Variants in TOX3 observed in about 807,000 individuals in gnomAD.
TOX3 encodes the protein TOX high mobility group box family member 3.
TOX3 carries 22 observed loss-of-function variants against 64.3 expected under a neutral mutation model. The observed-to-expected ratio is 0.34, with a 90% CI of 0.24 to 0.49. The LOEUF is 0.49. Ranked by LOEUF, TOX3 falls within the 20% of genes least tolerant of loss-of-function variation. The pLI is 0.99. For synonymous variants in TOX3, 291 were observed against 273.6 expected (o/e 1.06, Z -0.63); for missense variants, 661 against 714.4 (o/e 0.93, Z 0.85).
At chr16:52,468,624 T>C in intron 1 of TOX3, 50 bp from the exon 2 acceptor site, 1 of 1,429,284 alleles carries the variant, frequency 7.0e-7, no homozygotes, top group Non-Finnish European at 9.8e-7. Context: ...AATAAAGCAT[T>C]CTGGCTGTGA....
intron 3 of TOX3, among the ~76,000 whole-genome samples, chr16:52,459,599 G>C (rs540343816): frequency 6.6e-6 from 1 of 152,140 alleles, no homozygotes; most frequent in East Asian, 1.9e-4. Flanking sequence ...TCCCCCCATG[G>C]CTAAATAGTC....
rs553380928 is a variant in TOX3 at position 52,494,541 on chromosome 16, T to C, written c.88-25967A>G. 2.0e-5 allele frequency among the ~76,000 whole-genome samples: 3 copies of C among 152,362 alleles called. No individual in the cohort carries two copies. The East Asian group carries it at 5.8e-4, about 29-fold the overall frequency. ...TGAGCCACCATATCCTATTTATTTA[T>C]TTCTACTTTCCATATCCTTTAAGGC... On this transcript the variant is annotated intron_variant, in intron 1 of 6. Transcript: ENST00000219746.
At position 52,546,792 on chromosome 16, in the gene TOX3, GC is replaced by G. The variant is rs1171953424; in HGVS notation, c.-70del. Reference sequence around the variant, plus strand: ...CGGGGCCGGGACCCGCCTCCTCGCCGCCGCTAGATCCACCGTCGAGGGCGCC... The same window carrying G: ...CGGGGCCGGGACCCGCCTCCTCGCCGCGCTAGATCCACCGTCGAGGGCGCC... On this transcript the variant is annotated 5_prime_UTR_variant, in exon 1 of 7. Coordinates refer to ENST00000219746, the MANE Select transcript of TOX3 (RefSeq NM_001080430.4). The G allele has an allele frequency of 7.1e-7, 1 of 1,400,186 alleles. No individual in the cohort carries two copies. The highest frequency in any genetic ancestry group is 9.3e-7 in the Non-Finnish European group (1 of 1,077,598). The allele number at this position is 1,400,186 out of a possible 1,614,324, so 86.7% of individuals were successfully genotyped here. A position where few individuals can be genotyped will look rare whatever the true frequency, so the allele number is the denominator to read the frequency against.
intron 1 of TOX3, among the ~76,000 whole-genome samples, chr16:52,498,279 T>C (rs1417138971): frequency 6.6e-6 from 1 of 152,206 alleles, no homozygotes; most frequent in East Asian, 1.9e-4. Flanking sequence ...AAGGGAACTG[T>C]TTTATGTTTC....
At position 52,454,424 on chromosome 16, in the gene TOX3, A is replaced by T. The variant is rs575156672; in HGVS notation, c.409-3878T>A. 3.9e-5 allele frequency among the ~76,000 whole-genome samples: 6 copies of T among 152,272 alleles called. No individual in the cohort carries two copies. In the South Asian group the frequency reaches 1.2e-3, roughly 32 times the overall value. On this transcript the variant is annotated intron_variant, in intron 3 of 6. Transcript: ENST00000219746. ...TAGACTATTTTTAAAGTAACCTCTGACCCACATAATTGATGCATCAAAATG... is the reference window on the plus strand; with the variant it reads ...TAGACTATTTTTAAAGTAACCTCTGTCCCACATAATTGATGCATCAAAATG...
Position 52,437,441 on chromosome 16 carries a change from G to A in TOX3, c.*1784C>T, listed in dbSNP as rs1959782148. On this transcript the variant is annotated 3_prime_UTR_variant, in exon 7 of 7. Transcript: ENST00000219746. ...TTTCCAGATTAGGATTCTGGTCAGG[G>A]TTGACACTTGCTGTTTTTAATTTTC... 6.6e-6 allele frequency: 1 copy of A among 152,184 alleles called. No homozygotes were observed. Among genetic ancestry groups the A allele is most frequent in the Non-Finnish European group, 1.5e-5 (1 of 68,032 alleles). The allele number at this position is 152,184 out of a possible 1,614,324, so 9.4% of individuals were successfully genotyped here.
At chr16:52,457,985 A>G (rs1375406600) in intron 3 of TOX3, among the ~76,000 whole-genome samples, 1 of 152,196 alleles carries the variant, frequency 6.6e-6, no homozygotes, top group Non-Finnish European at 1.5e-5. Context: ...TGAACACTTA[A>G]TGGTAGTTTA....
At chr16:52,532,642 A>C (rs1962876014) in intron 1 of TOX3, among the ~76,000 whole-genome samples, 1 of 152,250 alleles carries the variant, frequency 6.6e-6, no homozygotes, top group Admixed American at 6.5e-5. Context: ...GAGGCGGTTT[A>C]TCACTCGCGA....
intron 1 of TOX3, among the ~76,000 whole-genome samples, chr16:52,505,908 G>A (rs1475079694): frequency 6.6e-6 from 1 of 152,128 alleles, no homozygotes; most frequent in Non-Finnish European, 1.5e-5. Context: ...CCCAAGAGAT[G>A]GCGGCTGTAG....
At position 52,512,004 on chromosome 16, in the gene TOX3, T is replaced by C. The variant is rs1204418321; in HGVS notation, c.87+34633A>G. ...AGAAATTCCACGTTCAAGCACCACGTTGCCTATTCCTCAACTTTAAGAATG... is the reference window on the plus strand; with the variant it reads ...AGAAATTCCACGTTCAAGCACCACGCTGCCTATTCCTCAACTTTAAGAATG... On this transcript the variant is annotated intron_variant, in intron 1 of 6. Transcript: ENST00000219746. Among the ~76,000 whole-genome samples, 3 of 152,202 alleles carry C rather than the reference T, an allele frequency of 2.0e-5. No individual in the cohort carries two copies. In the East Asian group the frequency reaches 5.8e-4, roughly 29 times the overall value.
At chr16:52,453,888 C>G (rs1960437480) in intron 3 of TOX3, among the ~76,000 whole-genome samples, 1 of 152,180 alleles carries the variant, frequency 6.6e-6, no homozygotes, top group Non-Finnish European at 1.5e-5. Context: ...CCAAGGTTCA[C>G]TGTACTAAAA....
chr16:52,477,190 T>G (rs1961232050), intron 1 of TOX3, among the ~76,000 whole-genome samples: 1 of 152,072 alleles, frequency 6.6e-6, no homozygotes, highest in South Asian at 2.1e-4. Flanking sequence ...CAGACCTACT[T>G]GTACACAGGC....
intron 1 of TOX3, among the ~76,000 whole-genome samples, chr16:52,500,808 G>A (rs1469948010): frequency 6.6e-6 from 1 of 152,088 alleles, no homozygotes; most frequent in African/African-American, 2.4e-5. Flanking sequence ...TCTAACTACA[G>A]ACATGTTAAA....
In TOX3 at chr16:52,446,090, C is replaced by T; in HGVS notation, c.810G>A (p.Gln270=). Residue 270 remains glutamine (Q), a synonymous_variant, in exon 5 of 7, where the codon CAG becomes CAA. Transcript: ENST00000219746. ...SAYALFFRDT[Q]AAIKGQNPNA... is the part of the protein sequence containing the mutation. ...TGGGGTTTTGACCTTTAATTGCAGCCTGTGTGTCTCTGAAAAACAGGGCAT... is the reference window on the plus strand; with the variant it reads ...TGGGGTTTTGACCTTTAATTGCAGCTTGTGTGTCTCTGAAAAACAGGGCAT... The T allele has an allele frequency of 6.2e-7, 1 of 1,613,920 alleles. No individual in the cohort carries two copies. Among genetic ancestry groups the T allele is most frequent in the African/African-American group, 1.3e-5 (1 of 75,036 alleles).
chr16:52,437,299 C>A lies in TOX3; in HGVS notation c.*1926G>T, dbSNP rs930721501. The A allele has an allele frequency of 6.6e-6, 1 of 152,138 alleles. No homozygotes were observed. Among genetic ancestry groups the A allele is most frequent in the Non-Finnish European group, 1.5e-5 (1 of 68,028 alleles). 9.4% of individuals were successfully genotyped at this position (152,138 alleles called of 1,614,324 possible). ...TGAAAGCTGAATTCATTATTCATAA[C>A]CCACAACATACAGTAAATAATCTCT... On this transcript the variant is annotated 3_prime_UTR_variant, in exon 7 of 7. Coordinates refer to ENST00000219746, the MANE Select transcript of TOX3 (RefSeq NM_001080430.4).
chr16:52,457,352 T>C lies in TOX3; in HGVS notation c.408+6582A>G, dbSNP rs369634290. Among the ~76,000 whole-genome samples the C allele has an allele frequency of 2.0e-4, 31 of 152,288 alleles. No individual in the cohort carries two copies. The East Asian group carries it at 5.8e-3, about 28-fold the overall frequency. ...CTTGGGTTGATTTCATCATTAAAAT[T>C]TTTTTAAATTCTAATATGCAAATGT... On this transcript the variant is annotated intron_variant, in intron 3 of 6. Coordinates refer to ENST00000219746, the MANE Select transcript of TOX3 (RefSeq NM_001080430.4).
At chr16:52,491,879 C>T (rs899662249) in intron 1 of TOX3, among the ~76,000 whole-genome samples, 3 of 152,024 alleles carry the variant, frequency 2.0e-5, no homozygotes, top group Non-Finnish European at 2.9e-5. Flanking sequence ...TTCAATATTC[C>T]GTTCTAATTT....
chr16:52,460,098 C>G (rs531570918), intron 3 of TOX3, among the ~76,000 whole-genome samples: 1 of 152,004 alleles, frequency 6.6e-6, no homozygotes, highest in Non-Finnish European at 1.5e-5. Context: ...TTTCTCTTCC[C>G]TTTAACAGGT....
chr16:52,509,816 C>T (rs1196922136), intron 1 of TOX3, among the ~76,000 whole-genome samples: 1 of 152,142 alleles, frequency 6.6e-6, no homozygotes, highest in Non-Finnish European at 1.5e-5. Flanking sequence ...ACTTATTAAA[C>T]ATAATGATTG....
Sources: gnomAD v4.1 joint callset for allele counts (sites outside exome capture counted in the v4.1 genomes callset) on GRCh38, gnomAD v4.1.1 for gene constraint, MANE v1.5 for transcripts, NCBI Gene and HGNC (gene_info 2026-07-23, HGNC 2026-07-21) for gene names.